The following TENM1 variants were observed in gnomAD, a reference collection of about 807,000 sequenced individuals.
TENM1 encodes teneurin-1.
Under a neutral mutation model 174.8 loss-of-function variants are expected in TENM1, and 35 were observed. The ratio of observed to expected loss-of-function variants is 0.20; its 90% CI spans 0.15 to 0.27. The LOEUF (loss-of-function observed/expected upper bound fraction) is 0.27, where lower values mean the gene tolerates loss of function less well. TENM1 is among the 10% of genes least tolerant of loss of function. The pLI, the probability that TENM1 is intolerant of heterozygous loss-of-function variation, is 1.00. For synonymous variants in TENM1, 781 were observed against 798.7 expected, an observed-to-expected ratio of 0.98 and a Z score of 0.37; for missense variants, 1,633 against 2,130.1, an observed-to-expected ratio of 0.77 and a Z score of 4.59.
At chrX:124,406,526 C>T (rs1190384562) in intron 25 of TENM1, 37 bp from the exon 29 acceptor site, 3 of 1,045,416 alleles carry the variant, frequency 2.9e-6, no homozygotes, top group Non-Finnish European at 3.9e-6. Flanking sequence ...TGAAGCGTCT[C>T]GGCAGTGATA....
At chrX:125,022,693 G>A in the TENM1 span, among the ~76,000 whole-genome samples, 7 of 110,997 alleles carry the variant, frequency 6.3e-5, no homozygotes, top group Non-Finnish European at 9.4e-5. Context: ...AAGCATCATC[G>A]AGCCTAATTA....
chrX:124,958,967 G>A (rs947806495), intron 1 of TENM1, among the ~76,000 whole-genome samples: 13 of 110,676 alleles, frequency 1.2e-4, no homozygotes, highest in East Asian at 2.8e-4. Flanking sequence ...ATCTAGTACC[G>A]TACCTGGTAC....
In TENM1 at chrX:124,506,115, C is replaced by T. The variant is rs750730756; in HGVS notation, c.3302-2412G>A. On this transcript the variant is annotated intron_variant, in intron 18 of 31. Transcript: ENST00000422452. Reference sequence around the variant, plus strand: ...GTTCCCTTAAAGCCATCATCTCCTTCCCCACAGTACTCCTGGCAATTACTG... The same window carrying T: ...GTTCCCTTAAAGCCATCATCTCCTTTCCCACAGTACTCCTGGCAATTACTG... Among the ~76,000 whole-genome samples, 3 of 111,858 alleles carry T rather than the reference C, an allele frequency of 2.7e-5. No individual in the cohort carries two copies. In the South Asian group the frequency reaches 1.1e-3, roughly 42 times the overall value.
chrX:125,021,586 A>AT, the TENM1 span, among the ~76,000 whole-genome samples: 623 of 107,749 alleles, frequency 5.8e-3, 4 homozygotes, highest in African/African-American at 0.018. Context: ...TCTGGCAAAC[A>AT]TTTTTTTTTT....
chrX:124,433,119 A>G (rs1027507548), intron 23 of TENM1, among the ~76,000 whole-genome samples: 2 of 111,888 alleles, frequency 1.8e-5, no homozygotes, highest in African/African-American at 6.5e-5. Context: ...TCTTGCTTAC[A>G]TCACTGTCAT....
intron 3 of TENM1, among the ~76,000 whole-genome samples, chrX:124,829,047 A>T: frequency 8.9e-6 from 1 of 111,813 alleles, no homozygotes; most frequent in East Asian, 2.8e-4. Flanking sequence ...CTTCCCACAC[A>T]CATATGTACA....
intron 28 of TENM1, among the ~76,000 whole-genome samples, chrX:124,388,894 A>T (rs1361819329): frequency 8.9e-6 from 1 of 112,369 alleles, no homozygotes; most frequent in African/African-American, 3.2e-5. Context: ...TATCTTATTA[A>T]ATGATTATAA....
Position 124,430,430 on chromosome X carries a change from A to G in TENM1, c.4105-7792T>C, listed in dbSNP as rs745932710. 2.7e-5 allele frequency among the ~76,000 whole-genome samples: 3 copies of G among 112,461 alleles called. No homozygotes were observed. In the East Asian group the frequency reaches 8.3e-4, roughly 31 times the overall value. The stretch of plus-strand genomic sequence containing the variant: ...GACCTTGGCACGAATCAGTTAACCT[A>G]TCTGAGCTTCTGTTTCCTCATTTAC... On this transcript the variant is annotated intron_variant, in intron 23 of 31. Coordinates refer to ENST00000422452, the Ensembl canonical transcript of TENM1.
chrX:124,948,067 T>C (rs1375926046), intron 1 of TENM1, among the ~76,000 whole-genome samples: 1 of 112,453 alleles, frequency 8.9e-6, no homozygotes, highest in Non-Finnish European at 1.9e-5. Context: ...TGGACTAATT[T>C]GTTCAAAATT....
chrX:124,391,737 C>T (rs1166828533), intron 28 of TENM1, among the ~76,000 whole-genome samples: 6 of 111,714 alleles, frequency 5.4e-5, no homozygotes, highest in Non-Finnish European at 7.5e-5. Flanking sequence ...ATTTTTCCCT[C>T]GGTATGAGCT....
chrX:124,756,814 G>C (rs1342884777), intron 3 of TENM1, among the ~76,000 whole-genome samples: 2 of 111,939 alleles, frequency 1.8e-5, no homozygotes, highest in African/African-American at 6.5e-5. Flanking sequence ...GGATTTACGT[G>C]AACCGCGAAT....
the TENM1 span, among the ~76,000 whole-genome samples, chrX:125,158,419 A>C: frequency 9.3e-6 from 1 of 106,987 alleles, no homozygotes; most frequent in Admixed American, 1.0e-4. Context: ...AAAAAAAAAA[A>C]AAAAAGCAAA....
chrX:125,063,752 T>C, the TENM1 span, among the ~76,000 whole-genome samples: 3 of 111,434 alleles, frequency 2.7e-5, no homozygotes, highest in Non-Finnish European at 3.8e-5. Context: ...GTCGGTGTGG[T>C]GATTCCTCAG....
rs189846896 is a variant in TENM1 at position 124,702,006 on chromosome X, T to C, written c.1015+3007A>G. On this transcript the variant is annotated intron_variant, in intron 5 of 31. Transcript: ENST00000422452. ...TAATGGATAATAGAGGAAAATGAAA[T>C]AGCAGAAAGGAATTTGCATGGGAAA... Among the ~76,000 whole-genome samples the C allele has an allele frequency of 2.9e-3, 329 of 111,782 alleles. 1 individual carries two copies. Among genetic ancestry groups the C allele is most frequent in the Admixed American group, 0.013 (137 of 10,495 alleles).
At chrX:124,877,832 TAACA>T (rs1023245141) in intron 3 of TENM1, among the ~76,000 whole-genome samples, 9 of 111,595 alleles carry the variant, frequency 8.1e-5, no homozygotes, top group Non-Finnish European at 1.7e-4. Context: ...GACTTGCCAA[TAACA>T]AACAATTGAT....
intron 3 of TENM1, among the ~76,000 whole-genome samples, chrX:124,757,896 GACAA>G (rs1226968737): frequency 4.5e-5 from 5 of 111,907 alleles, no homozygotes; most frequent in Non-Finnish European, 7.5e-5. Context: ...GAAAATGTAA[GACAA>G]ACAAACAAAA....
chrX:124,696,177 T>A (rs1028128395), intron 5 of TENM1, among the ~76,000 whole-genome samples: 5 of 111,804 alleles, frequency 4.5e-5, no homozygotes, highest in Non-Finnish European at 7.5e-5. Flanking sequence ...TGGAGTAGCA[T>A]TGAATATTTC....
the TENM1 span, among the ~76,000 whole-genome samples, chrX:125,052,883 A>T: frequency 9.0e-6 from 1 of 111,685 alleles, no homozygotes; most frequent in South Asian, 3.7e-4. Flanking sequence ...TTAAATTTTT[A>T]TTTTTTCTTC....
chrX:124,557,048 G>GTGAA (rs2048710399), intron 14 of TENM1, among the ~76,000 whole-genome samples: 1 of 111,472 alleles, frequency 9.0e-6, no homozygotes, highest in African/African-American at 3.3e-5. Flanking sequence ...GGTACTTAAT[G>GTGAA]TGAAATGTTT....
Sources: gnomAD v4.1 joint callset for allele counts (sites outside exome capture counted in the v4.1 genomes callset) on GRCh38, gnomAD v4.1.1 for gene constraint, MANE v1.5 for transcripts, NCBI Gene and HGNC (gene_info 2026-07-23, HGNC 2026-07-21) for gene names.